The following KLHL14 variants were observed in gnomAD, a reference collection of about 807,000 sequenced individuals.
The protein encoded by KLHL14 is kelch-like protein 14.
A neutral mutation model predicts 64.3 loss-of-function variants in KLHL14; 22 were observed. The observed-to-expected ratio is 0.34, with a 90% CI of 0.24 to 0.49. The LOEUF is 0.49. Among genes scored for constraint, KLHL14 ranks in the 20% least tolerant of loss-of-function variants. KLHL14 has a pLI of 0.99. For missense variants in KLHL14, 661 were observed against 789.0 expected (o/e 0.84, Z 1.94); for synonymous variants, 322 against 333.4 (o/e 0.97, Z 0.37).
In KLHL14 at chr18:32,687,252, G is replaced by A; in HGVS notation, c.1160-19C>T. The A allele has an allele frequency of 6.3e-7, 1 of 1,590,790 alleles. No individual in the cohort carries two copies. The highest frequency in any genetic ancestry group is 8.6e-7 in the Non-Finnish European group (1 of 1,158,854). ...TGTTTTCCTGTAAAAATGCATTCGA[G>A]ACATTTAAAACTTAGATTCTTTTGT... On this transcript the variant is annotated intron_variant, in intron 4 of 8. Coordinates refer to ENST00000359358, the MANE Select transcript of KLHL14 (RefSeq NM_020805.3).
At chr18:32,760,339 T>TACACACACACACACACACAC (rs60814600) in intron 2 of KLHL14, among the ~76,000 whole-genome samples, 32 of 146,948 alleles carry the variant, frequency 2.2e-4, no homozygotes, top group African/African-American at 5.8e-4. Context: ...CACACAGACA[T>TACACACACACACACACACAC]ACACACACAC....
intron 3 of KLHL14, among the ~76,000 whole-genome samples, chr18:32,706,148 A>G (rs1190268752): frequency 6.6e-6 from 1 of 152,210 alleles, no homozygotes; most frequent in East Asian, 1.9e-4. Flanking sequence ...ACAGTCTTCC[A>G]ATGGCCATTT....
chr18:32,681,719 G>T (rs1168075167), intron 5 of KLHL14, among the ~76,000 whole-genome samples: 1 of 152,152 alleles, frequency 6.6e-6, no homozygotes, highest in Non-Finnish European at 1.5e-5. Context: ...CGAGATTCTT[G>T]TTCAATGTCG....
chr18:32,742,532 T>G (rs2050204254), intron 2 of KLHL14, among the ~76,000 whole-genome samples: 2 of 152,044 alleles, frequency 1.3e-5, no homozygotes, highest in Non-Finnish European at 2.9e-5. Context: ...CAAATACGAG[T>G]TTGGTACAAT....
chr18:32,769,289 G>A (rs1269606885), intron 2 of KLHL14, among the ~76,000 whole-genome samples: 1 of 152,164 alleles, frequency 6.6e-6, no homozygotes, highest in Non-Finnish European at 1.5e-5. Context: ...GATTTGTAGG[G>A]AGAGCTGGCT....
intron 3 of KLHL14, among the ~76,000 whole-genome samples, chr18:32,730,906 G>A (rs1349584678): frequency 2.0e-5 from 3 of 152,136 alleles, no homozygotes; most frequent in African/African-American, 4.8e-5. Flanking sequence ...ATTAGAACAC[G>A]CTGTGAGAAG....
chr18:32,738,178 A>C (rs2050176063), intron 3 of KLHL14: 1 of 152,182 alleles, frequency 6.6e-6, no homozygotes, highest in African/African-American at 2.4e-5. Flanking sequence ...ATGGGGAGAA[A>C]TAAAAGGGGT....
chr18:32,762,771 C>T (rs1207688921), intron 2 of KLHL14, among the ~76,000 whole-genome samples: 1 of 152,000 alleles, frequency 6.6e-6, no homozygotes, highest in Non-Finnish European at 1.5e-5. Context: ...TGTGAATTAT[C>T]TTGGAAATCA....
At chr18:32,757,982 C>A (rs1484289291) in intron 2 of KLHL14, among the ~76,000 whole-genome samples, 2 of 152,034 alleles carry the variant, frequency 1.3e-5, no homozygotes, top group African/African-American at 2.4e-5. Context: ...GATCTAGGTA[C>A]CATAAGAAGC....
chr18:32,699,564 A>C (rs2049953627), intron 3 of KLHL14, among the ~76,000 whole-genome samples: 1 of 152,098 alleles, frequency 6.6e-6, no homozygotes, highest in South Asian at 2.1e-4. Context: ...ACCGAACGGC[A>C]GAGATAGAAT....
At position 32,770,058 on chromosome 18, in the gene KLHL14, G is replaced by A. The variant is rs61737323; in HGVS notation, c.534C>T (p.Asn178=). The change falls in exon 2 of 9, where the codon AAC becomes AAT. Residue 178 remains asparagine (N), a synonymous_variant. Coordinates refer to ENST00000359358, the MANE Select transcript of KLHL14 (RefSeq NM_020805.3). The surrounding 1 kb of genome is among the most constrained non-coding windows in gnomAD (Gnocchi z 6.7). ...QVTKLCVQFL[N]DQISVQNYKQ... is the part of the protein sequence containing the mutation. ...TGTAGTTCTGCACCGAGATCTGGTC[G>A]TTGAGGAACTGCACGCAGAGCTTGG... The A allele has an allele frequency of 1.5e-3, 2,440 of 1,614,122 alleles. 36 individuals are homozygous for A. The African/African-American group carries it at 0.027, about 18-fold the overall frequency.
chr18:32,717,370 T>G (rs568654162), intron 3 of KLHL14, among the ~76,000 whole-genome samples: 1 of 152,318 alleles, frequency 6.6e-6, no homozygotes, highest in South Asian at 2.1e-4. Flanking sequence ...GGGAGCCAGA[T>G]GTTGAACTGT....
chr18:32,691,388 T>C (rs575706654), intron 4 of KLHL14, among the ~76,000 whole-genome samples: 182 of 152,208 alleles, frequency 1.2e-3, no homozygotes, highest in African/African-American at 4.2e-3. Context: ...GGGTCAATGA[T>C]GCCAAAGAGT....
At chr18:32,690,648 G>C (rs2049902829) in intron 4 of KLHL14, among the ~76,000 whole-genome samples, 1 of 152,168 alleles carries the variant, frequency 6.6e-6, no homozygotes, top group Admixed American at 6.5e-5. Context: ...AGAATCACTT[G>C]AACCCAGAAG....
Position 32,677,287 on chromosome 18 carries a change from T to C in KLHL14, c.1632A>G (p.Pro544=). The change falls in exon 8 of 9, where the codon CCA becomes CCG. Residue 544 remains proline, a synonymous_variant. Coordinates refer to ENST00000359358, the MANE Select transcript of KLHL14 (RefSeq NM_020805.3). ...LDVMLVECYD[P]KGDQWNILQT... ...GGAGTATATTCCACTGGTCACCTTT[T>C]GGGTCATAGCATTCCACAAGCATTA... is the stretch of plus-strand genomic sequence containing the variant. The C allele has an allele frequency of 1.2e-6, 2 of 1,613,512 alleles. No homozygotes were observed. The highest frequency in any genetic ancestry group is 2.7e-5 in the African/African-American group (2 of 75,012).
At chr18:32,725,477 CT>C (rs2050103711) in intron 3 of KLHL14, among the ~76,000 whole-genome samples, 1 of 152,170 alleles carries the variant, frequency 6.6e-6, no homozygotes, top group South Asian at 2.1e-4. Context: ...CTTTGAAAGG[CT>C]GTTGTTGTCT....
Position 32,687,136 on chromosome 18 carries a change from G to A in KLHL14, c.1238+19C>T. 6.2e-7 allele frequency: 1 copy of A among 1,603,844 alleles called. No individual in the cohort carries two copies. The highest frequency in any genetic ancestry group is 1.3e-5 in the African/African-American group (1 of 74,790). On this transcript the variant is annotated intron_variant, in intron 5 of 8. Coordinates refer to ENST00000359358, the MANE Select transcript of KLHL14 (RefSeq NM_020805.3). ...TAAAGCCGTCACAAACGTTTCAGGT[G>A]CAAGAAATAAACACTTACCTTTCCT...
chr18:32,729,373 T>C (rs1034089196), intron 3 of KLHL14, among the ~76,000 whole-genome samples: 1 of 152,156 alleles, frequency 6.6e-6, no homozygotes, highest in Non-Finnish European at 1.5e-5. Flanking sequence ...TTCTCAGTTA[T>C]ACGAGCCATA....
chr18:32,710,571 A>G (rs543835497), intron 3 of KLHL14, among the ~76,000 whole-genome samples: 1 of 152,366 alleles, frequency 6.6e-6, no homozygotes, highest in East Asian at 1.9e-4. Flanking sequence ...GAATGTAAGC[A>G]TCTCTGCCAG....
Sources: gnomAD v4.1 joint callset for allele counts (sites outside exome capture counted in the v4.1 genomes callset) on GRCh38, gnomAD v4.1.1 for gene constraint, Gnocchi (gnomAD v3.1) non-coding constraint, MANE v1.5 for transcripts, NCBI Gene and HGNC (gene_info 2026-07-23, HGNC 2026-07-21) for gene names.